The following HTR2A variants were observed in gnomAD, a reference collection of about 807,000 sequenced individuals.
HTR2A encodes 5-hydroxytryptamine receptor 2A.
Under a neutral mutation model 31.0 loss-of-function variants are expected in HTR2A, and 14 were observed. That is an observed-to-expected ratio of 0.45 (90% CI 0.30 to 0.71). HTR2A has a LOEUF of 0.71. HTR2A is among the 30% of genes least tolerant of loss of function. HTR2A has a pLI of 0.09. For synonymous variants in HTR2A, 209 were observed against 225.2 expected (o/e 0.93, Z 0.64); for missense variants, 442 against 573.3 (o/e 0.77, Z 2.34).
At chr13:46,889,705 T>C (rs1021693868) in intron 3 of HTR2A, among the ~76,000 whole-genome samples, 1 of 152,172 alleles carries the variant, frequency 6.6e-6, no homozygotes, top group African/African-American at 2.4e-5. Flanking sequence ...ATTTTAAAAT[T>C]CCAGCTAGAC....
intron 3 of HTR2A, among the ~76,000 whole-genome samples, chr13:46,857,141 AAC>A (rs1302556042): frequency 6.6e-6 from 1 of 151,950 alleles, no homozygotes; most frequent in Non-Finnish European, 1.5e-5. Context: ...CTCTACTAAA[AAC>A]ACAAAAATTA....
intron 3 of HTR2A, among the ~76,000 whole-genome samples, chr13:46,836,322 T>C (rs1240460795): frequency 6.6e-6 from 1 of 152,100 alleles, no homozygotes; most frequent in Non-Finnish European, 1.5e-5. Flanking sequence ...AAAAATAATA[T>C]GTATTCTCAC....
At chr13:46,837,644 A>C (rs915259569) in intron 3 of HTR2A, among the ~76,000 whole-genome samples, 1 of 152,150 alleles carries the variant, frequency 6.6e-6, no homozygotes, top group African/African-American at 2.4e-5. Context: ...CTTGCCATCC[A>C]TCTGGAAAAA....
chr13:46,888,086 C>CAAAAA (rs10666389), intron 3 of HTR2A, among the ~76,000 whole-genome samples: 7 of 149,022 alleles, frequency 4.7e-5, no homozygotes, highest in East Asian at 2.0e-4. Context: ...AAGAACAAAG[C>CAAAAA]AAAAAAAAAA....
At position 46,895,304 on chromosome 13, in the gene HTR2A, A is replaced by ATTTT; in HGVS notation, c.412+190_412+191insAAAA. 1.7e-6 allele frequency: 1 copy of ATTTT among 589,694 alleles called. No individual in the cohort carries two copies. The highest frequency in any genetic ancestry group is 2.1e-5 in the South Asian group (1 of 46,926). The allele number at this position is 589,694 out of a possible 1,614,324, so 36.5% of individuals were successfully genotyped here. A position where few individuals can be genotyped will look rare whatever the true frequency, so the allele number is the denominator to read the frequency against. ...CAAAACTCTCCAGTGATCACAGGTC[A>ATTTT]TAGACTGTCTGATTTTTATGTGAAA... is the stretch of plus-strand genomic sequence containing the variant. On this transcript the variant is annotated intron_variant, in intron 2 of 3. Transcript: ENST00000542664. This position sits in a 1 kb window ranked among gnomAD's most constrained non-coding sequence, Gnocchi z 4.4.
At chr13:46,861,737 AGTGTTTGG>A (rs1950780080) in intron 3 of HTR2A, among the ~76,000 whole-genome samples, 3 of 152,214 alleles carry the variant, frequency 2.0e-5, no homozygotes, top group African/African-American at 7.2e-5. Context: ...CAGAGCAATT[AGTGTTTGG>A]GAGAGGGAAA....
At chr13:46,835,672 T>G (rs1876429947) in intron 3 of HTR2A, 33 bp from the exon 4 acceptor site, 12 of 1,504,598 alleles carry the variant, frequency 8.0e-6, no homozygotes, top group Non-Finnish European at 1.0e-5. Context: ...ACATGATTAT[T>G]AAGGAATTAA....
intron 3 of HTR2A, among the ~76,000 whole-genome samples, chr13:46,841,165 G>A (rs1223419550): frequency 6.6e-6 from 1 of 152,130 alleles, no homozygotes; most frequent in Non-Finnish European, 1.5e-5. Context: ...ATGTGGAACT[G>A]TGAGTCAATT....
rs1414213614 is a variant in HTR2A at position 46,865,616 on chromosome 13, T to G, written c.613+26774A>C. On this transcript the variant is annotated intron_variant, in intron 3 of 3. Transcript: ENST00000542664. ...GAAGGGTTCCATATCTACTGCCCAA[T>G]GTACTAGCCACCAGCCATGTGTGTA... 2.0e-5 allele frequency among the ~76,000 whole-genome samples: 3 copies of G among 152,172 alleles called. No homozygotes were observed. The East Asian group carries it at 5.8e-4, about 29-fold the overall frequency.
intron 3 of HTR2A, among the ~76,000 whole-genome samples, chr13:46,858,860 G>A (rs541705075): frequency 6.6e-6 from 1 of 152,180 alleles, no homozygotes; most frequent in Non-Finnish European, 1.5e-5. Flanking sequence ...TCTCAGAGGT[G>A]GAATGGCAAG....
At chr13:46,871,091 C>A (rs1375667505) in intron 3 of HTR2A, among the ~76,000 whole-genome samples, 1 of 152,162 alleles carries the variant, frequency 6.6e-6, no homozygotes, top group East Asian at 1.9e-4. Context: ...AATATAGACA[C>A]GTGCCTGCAT....
intron 3 of HTR2A, among the ~76,000 whole-genome samples, chr13:46,868,129 C>T (rs1041571357): frequency 6.6e-6 from 1 of 152,138 alleles, no homozygotes; most frequent in African/African-American, 2.4e-5. Context: ...TTTTTCTTTC[C>T]ATCTTTCTGA....
intron 3 of HTR2A, among the ~76,000 whole-genome samples, chr13:46,841,339 A>G (rs1031633886): frequency 3.9e-5 from 6 of 152,132 alleles, no homozygotes; most frequent in African/African-American, 1.4e-4. Context: ...GCATTCTTTC[A>G]TCTCAAAGCC....
chr13:46,884,972 C>A (rs1460134511), intron 3 of HTR2A, among the ~76,000 whole-genome samples: 1 of 152,054 alleles, frequency 6.6e-6, no homozygotes, highest in African/African-American at 2.4e-5. Flanking sequence ...TACAGTGGTC[C>A]CCCCTTGTCT....
chr13:46,862,431 CTG>C (rs1398617730), intron 3 of HTR2A, among the ~76,000 whole-genome samples: 1 of 152,132 alleles, frequency 6.6e-6, no homozygotes, highest in Non-Finnish European at 1.5e-5. Flanking sequence ...ATTAGGGAAT[CTG>C]TTATATTTTG....
chr13:46,881,212 G>C (rs755847720), intron 3 of HTR2A, among the ~76,000 whole-genome samples: 1 of 152,208 alleles, frequency 6.6e-6, no homozygotes, highest in African/African-American at 2.4e-5. Flanking sequence ...TGTGGGCAGA[G>C]GAGGGGAAGG....
intron 2 of HTR2A, among the ~76,000 whole-genome samples, chr13:46,894,638 GTGAC>G (rs1951086731): frequency 6.6e-6 from 1 of 152,200 alleles, no homozygotes; most frequent in Non-Finnish European, 1.5e-5. Flanking sequence ...TAAGCTCTGA[GTGAC>G]TGCTGCTTGT....
In HTR2A at chr13:46,883,259, C is replaced by A. The variant is rs533018948; in HGVS notation, c.613+9131G>T. On this transcript the variant is annotated intron_variant, in intron 3 of 3. Transcript: ENST00000542664. Reference sequence around the variant, plus strand: ...GCTGCATGAAGGCAAGAGGTTAGGTCCAGGAAGGTTAGGATTCTATGTAAG... The same window carrying A: ...GCTGCATGAAGGCAAGAGGTTAGGTACAGGAAGGTTAGGATTCTATGTAAG... Among the ~76,000 whole-genome samples the A allele has an allele frequency of 8.6e-5, 10 of 115,612 alleles. 1 individual carries two copies. In the South Asian group the frequency reaches 2.8e-3, roughly 32 times the overall value. 75.8% of individuals were successfully genotyped at this position (115,612 alleles called of 152,430 possible). A position where few individuals can be genotyped will look rare whatever the true frequency, so the allele number is the denominator to read the frequency against.
At position 46,896,174 on chromosome 13, in the gene HTR2A, G is replaced by T; in HGVS notation, c.-268C>A. The T allele has an allele frequency of 8.3e-7, 1 of 1,205,460 alleles. No homozygotes were observed. The highest frequency in any genetic ancestry group is 3.8e-5 in the East Asian group (1 of 26,054). The allele number at this position is 1,205,460 out of a possible 1,614,324, so 74.7% of individuals were successfully genotyped here. A position where few individuals can be genotyped will look rare whatever the true frequency, so the allele number is the denominator to read the frequency against. On this transcript the variant is annotated 5_prime_UTR_variant, in exon 2 of 4. It adds an upstream start codon to the 5' untranslated region. Transcript: ENST00000542664. ...TCACCAAACCGAGGACAAAAAAGCA[G>T]AATGAACTTTTAGCATAGAGGTTGC...
Sources: allele counts gnomAD v4.1 joint callset (sites outside exome capture counted in the v4.1 genomes callset), GRCh38; gene constraint gnomAD v4.1.1; non-coding constraint Gnocchi (gnomAD v3.1); transcripts MANE v1.5; gene names NCBI Gene and HGNC (gene_info 2026-07-23, HGNC 2026-07-21).